SIDT2: variants seen among roughly 807,000 people sequenced by gnomAD.
The protein encoded by SIDT2 is SID1 transmembrane family member 2.
A neutral mutation model predicts 114.4 loss-of-function variants in SIDT2; 68 were observed. That is an observed-to-expected ratio of 0.59 (90% CI 0.49 to 0.73). The LOEUF (loss-of-function observed/expected upper bound fraction) is 0.73, where lower values mean the gene tolerates loss of function less well. Ranked by LOEUF, SIDT2 falls within the 30% of genes least tolerant of loss-of-function variation. The pLI, the probability that SIDT2 is intolerant of heterozygous loss-of-function variation, is 0.00. For synonymous variants in SIDT2, 470 were observed against 438.4 expected, an observed-to-expected ratio of 1.07 and a Z score of -0.90; for missense variants, 918 against 1,097.1, an observed-to-expected ratio of 0.84 and a Z score of 2.31.
chr11:117,181,704 G>A, intron 2 of SIDT2, 103 bp from the exon 3 acceptor site: 1 of 1,580,546 alleles, frequency 6.3e-7, no homozygotes, highest in Non-Finnish European at 8.6e-7. Flanking sequence ...ACCTCGCAGG[G>A]AGGTGGTGGA....
Position 117,191,935 on chromosome 11 carries a change from G to C in SIDT2, c.1793G>C (p.Arg598Pro). 1 of 1,614,112 alleles carries C rather than the reference G, an allele frequency of 6.2e-7. No individual in the cohort carries two copies. Among genetic ancestry groups the C allele is most frequent in the Non-Finnish European group, 8.5e-7 (1 of 1,180,042 alleles). The part of the protein sequence containing the change: ...GLCMLKLYQK[R>P]HPDINASAYS... ...TGCATGCTGAAGCTCTACCAGAAGC[G>C]GCACCCGGACATCAACGCCAGCGCC... is the stretch of plus-strand genomic sequence containing the variant. Residue 598 changes from arginine to proline, a missense_variant, in exon 19 of 26, where the codon CGG becomes CCG. Coordinates refer to ENST00000324225, the MANE Select transcript of SIDT2 (RefSeq NM_001040455.2).
rs766277471 is a variant in SIDT2 at position 117,179,350 on chromosome 11, G to T, written c.87G>T (p.Ser29=). 5 of 1,614,194 alleles carry T rather than the reference G, an allele frequency of 3.1e-6. No homozygotes were observed. The highest frequency in any genetic ancestry group is 1.1e-5 in the South Asian group (1 of 91,084). The stretch of plus-strand genomic sequence containing the variant: ...GGGTTCTGGGGCCCAAGAACGTCTC[G>T]CAGAAAGACGCCGAGTTTGAGCGCA... The part of the protein sequence containing the change: ...HLGVLGPKNV[S]QKDAEFERTY... Residue 29 remains serine, a synonymous_variant, in exon 1 of 26, where the codon TCG becomes TCT. Coordinates refer to ENST00000324225, the MANE Select transcript of SIDT2 (RefSeq NM_001040455.2).
At position 117,181,635 on chromosome 11, in the gene SIDT2, T is replaced by C; in HGVS notation, c.305+98T>C. On this transcript the variant is annotated intron_variant, in intron 2 of 25. Transcript: ENST00000324225. ...CCCCCCATTTCTCCTCCCCTTTCCC[T>C]GGGCTGGGAGGCTGGTCAACAGCAC... 5.7e-6 allele frequency: 9 copies of C among 1,588,194 alleles called. No homozygotes were observed. In the Middle Eastern group the frequency reaches 7.5e-4, roughly 132 times the overall value.
At chr11:117,186,711 A>C in intron 10 of SIDT2, 75 bp downstream of exon 10, 5 of 821,754 alleles carry the variant, frequency 6.1e-6, no homozygotes, top group Non-Finnish European at 8.2e-6. Context: ...ATGGTTCCCT[A>C]GGGGGTTGGA....
chr11:117,189,036 G>C, intron 13 of SIDT2, 133 bp from the exon 14 acceptor site: 2 of 1,050,574 alleles, frequency 1.9e-6, no homozygotes, highest in Non-Finnish European at 2.9e-6. Flanking sequence ...GGCCGCAGCA[G>C]TGGGATGTCC....
At chr11:117,186,038 CT>C in intron 8 of SIDT2, 91 bp from the exon 9 acceptor site, 4 of 1,016,928 alleles carry the variant, frequency 3.9e-6, no homozygotes, top group Non-Finnish European at 6.1e-6. Context: ...AGAGATTGAG[CT>C]GGGTGGAGGA....
In SIDT2 at chr11:117,192,380, G is replaced by T; in HGVS notation, c.1981+18G>T. 6.6e-7 allele frequency: 1 copy of T among 1,523,802 alleles called. No homozygotes were observed. 94.4% of individuals were successfully genotyped at this position (1,523,802 alleles called of 1,614,324 possible). On this transcript the variant is annotated intron_variant, in intron 20 of 25. Transcript: ENST00000324225. This position sits in a 1 kb window ranked among gnomAD's most constrained non-coding sequence, Gnocchi z 5.9. ...GAAACTGGGTAAGGGCACGCCCGGG[G>T]CAGGGCCTGGGGGAGGGGTCTGGGG...
At chr11:117,182,402 C>A in intron 4 of SIDT2, 117 bp from the exon 5 acceptor site, 1 of 910,996 alleles carries the variant, frequency 1.1e-6, no homozygotes, top group Non-Finnish European at 1.8e-6. Context: ...GGAGAGCCTC[C>A]ACTGCCCACC....
Position 117,182,729 on chromosome 11 carries a change from G to A in SIDT2, c.625G>A (p.Val209Ile). Residue 209 changes from valine to isoleucine, a missense_variant, in exon 6 of 26, where the codon GTC (valine) becomes ATC (isoleucine). Around this residue, in one of 4 missense-constraint regions of SIDT2, gnomAD observed 553 missense variants for 600.1 expected, o/e 0.92. Coordinates refer to ENST00000324225, the MANE Select transcript of SIDT2 (RefSeq NM_001040455.2). Reference sequence around the variant, plus strand: ...CTCTCCCGCCCCTCTGCAGTGTCCTGTCTATGACCTGGACAACAACGTAGC... The same window carrying A: ...CTCTCCCGCCCCTCTGCAGTGTCCTATCTATGACCTGGACAACAACGTAGC... ...VISIQDVLCP[V>I]YDLDNNVAFI... 6.2e-7 allele frequency: 1 copy of A among 1,614,212 alleles called. No individual in the cohort carries two copies. Among genetic ancestry groups the A allele is most frequent in the Non-Finnish European group, 8.5e-7 (1 of 1,180,028 alleles).
At position 117,188,734 on chromosome 11, in the gene SIDT2, C is replaced by T. The variant is rs1172799706; in HGVS notation, c.1186C>T (p.Arg396Trp). 3.1e-6 allele frequency: 5 copies of T among 1,614,158 alleles called. No homozygotes were observed. The highest frequency in any genetic ancestry group is 2.2e-5 in the South Asian group (2 of 91,076). The change falls in exon 13 of 26, where the codon CGG becomes TGG. Residue 396 changes from arginine (R) to tryptophan (W), a missense_variant. By Grantham distance (101) the Arg-to-Trp change is moderately radical. Around this residue, in one of 4 missense-constraint regions of SIDT2, gnomAD observed 553 missense variants for 600.1 expected, o/e 0.92. Transcript: ENST00000324225. This position sits in a 1 kb window ranked among gnomAD's most constrained non-coding sequence, Gnocchi z 4.0. ...CCGCTCCTTTGAACCTGTAGGTACT[C>T]GGCCCCGAGTGGACTCCATGAGCTC... is the stretch of plus-strand genomic sequence containing the variant. The part of the protein sequence containing the change: ...QGRSFEPVGT[R>W]PRVDSMSSVE...
intron 23 of SIDT2, among the ~76,000 whole-genome samples, chr11:117,193,598 C>T (rs1037657341): frequency 6.6e-6 from 1 of 152,164 alleles, no homozygotes; most frequent in Admixed American, 6.5e-5. Flanking sequence ...TGATTGGAGC[C>T]CCCTGCATAG....
intron 4 of SIDT2, 39 bp downstream of exon 4, chr11:117,182,144 G>T: frequency 6.2e-7 from 1 of 1,610,828 alleles, no homozygotes; most frequent in South Asian, 1.1e-5. Flanking sequence ...GGAGAAATGG[G>T]GGAGCTTGAA....
chr11:117,186,499 C>A, intron 9 of SIDT2, 85 bp from the exon 10 acceptor site: 1 of 1,303,902 alleles, frequency 7.7e-7, no homozygotes, highest in Non-Finnish European at 1.1e-6. Context: ...GAGAGTGGAG[C>A]AGAGAGGTAG....
intron 5 of SIDT2, 41 bp from the exon 6 acceptor site, chr11:117,182,682 G>A (rs2030337955): frequency 6.2e-7 from 1 of 1,613,952 alleles, no homozygotes; most frequent in Admixed American, 1.7e-5. Flanking sequence ...GAGAGGGGCA[G>A]GCCAGGTTCC....
In SIDT2 at chr11:117,189,366, C is replaced by T. The variant is rs1377115905; in HGVS notation, c.1384C>T (p.Leu462Phe). 1.2e-6 allele frequency: 2 copies of T among 1,614,084 alleles called. No homozygotes were observed. Among genetic ancestry groups the T allele is most frequent in the South Asian group, 1.1e-5 (1 of 91,074 alleles). The change falls in exon 15 of 26, where the codon CTT becomes TTT. Residue 462 changes from leucine (L) to phenylalanine (F), a missense_variant. Transcript: ENST00000324225. Reference sequence around the variant, plus strand: ...TGCCACCATTGCTGTCTTCTATGCCCTTCCTGTGGTGCAGCTGGTGATCAC... The same window carrying T: ...TGCCACCATTGCTGTCTTCTATGCCTTTCCTGTGGTGCAGCTGGTGATCAC... The part of the protein sequence containing the change: ...NIATIAVFYA[L>F]PVVQLVITYQ...
At chr11:117,186,483 A>G (rs2134252712) in intron 9 of SIDT2, 101 bp from the exon 10 acceptor site, 2 of 1,180,726 alleles carry the variant, frequency 1.7e-6, no homozygotes, top group East Asian at 4.7e-5. Flanking sequence ...ACAGGGTCAT[A>G]GCGATGAGAG....
intron 6 of SIDT2, among the ~76,000 whole-genome samples, chr11:117,183,524 G>A (rs1041445754): frequency 2.0e-5 from 3 of 152,022 alleles, no homozygotes; most frequent in African/African-American, 4.8e-5. Flanking sequence ...TGTAATCCCA[G>A]CTACTTGGGA....
Position 117,192,153 on chromosome 11 carries a change from CAG to C in SIDT2, c.1873-98_1873-97del. On this transcript the variant is annotated intron_variant, in intron 19 of 25. Coordinates refer to ENST00000324225, the MANE Select transcript of SIDT2 (RefSeq NM_001040455.2). The surrounding 1 kb of genome is among the most constrained non-coding windows in gnomAD (Gnocchi z 5.9). ...CTGAGATGCCTTCCTGGGCCCCTCT[CAG>C]AGTCCCAGCCTGGCTGAGCAGCCAG... is the stretch of plus-strand genomic sequence containing the variant. 2 of 1,518,184 alleles carry C rather than the reference CAG, an allele frequency of 1.3e-6. No individual in the cohort carries two copies. The highest frequency in any genetic ancestry group is 1.4e-5 in the African/African-American group (1 of 73,024). The allele number at this position is 1,518,184 out of a possible 1,614,324, so 94.0% of individuals were successfully genotyped here.
chr11:117,183,382 T>C (rs2030372461), intron 6 of SIDT2, among the ~76,000 whole-genome samples: 1 of 148,018 alleles, frequency 6.8e-6, no homozygotes, highest in Admixed American at 6.7e-5. Flanking sequence ...CTCACGCCTG[T>C]AATCCCACAC....
Sources: gnomAD v4.1 joint callset for allele counts (sites outside exome capture counted in the v4.1 genomes callset) on GRCh38, gnomAD v4.1.1 for gene constraint, gnomAD v4.1.1 regional missense constraint, Gnocchi (gnomAD v3.1) non-coding constraint, MANE v1.5 for transcripts, NCBI Gene and HGNC (gene_info 2026-07-23, HGNC 2026-07-21) for gene names.